The following ZNF423 variants were observed in gnomAD, a reference collection of about 807,000 sequenced individuals.
ZNF423 encodes the protein zinc finger protein 423.
A neutral mutation model predicts 95.8 loss-of-function variants in ZNF423; 12 were observed. The observed-to-expected ratio is 0.13, with a 90% confidence interval of 0.08 to 0.20. ZNF423 has a LOEUF of 0.20. ZNF423 is among the 10% of genes least tolerant of loss of function. The pLI is 1.00. For missense variants in ZNF423, 1,316 were observed against 1,737.1 expected (o/e 0.76, Z 4.31); for synonymous variants, 749 against 711.9 (o/e 1.05, Z -0.83).
intron 1 of ZNF423, among the ~76,000 whole-genome samples, chr16:49,794,156 C>T (rs962965035): frequency 6.6e-6 from 1 of 152,082 alleles, no homozygotes; most frequent in Non-Finnish European, 1.5e-5. Flanking sequence ...CTGCCTCAGC[C>T]TCCCGAGCAG....
At chr16:49,561,355 G>A (rs1157520133) in intron 5 of ZNF423, among the ~76,000 whole-genome samples, 1 of 152,086 alleles carries the variant, frequency 6.6e-6, no homozygotes, top group Non-Finnish European at 1.5e-5. Context: ...TTTACTGGGG[G>A]TATGTGTGTA....
At chr16:49,795,329 C>T (rs1441550003) in intron 1 of ZNF423, among the ~76,000 whole-genome samples, 1 of 152,194 alleles carries the variant, frequency 6.6e-6, no homozygotes, top group African/African-American at 2.4e-5. Context: ...ACACTAGAGT[C>T]ACACCAGCTC....
rs533165907 is a variant in ZNF423 at position 49,800,510 on chromosome 16, C to T, written c.41-10964G>A. Among the ~76,000 whole-genome samples the T allele has an allele frequency of 2.1e-3, 317 of 152,110 alleles. 6 individuals are homozygous for T. The highest frequency in any genetic ancestry group is 7.5e-4 in the Non-Finnish European group (51 of 68,002). Reference sequence around the variant, plus strand: ...GATGCAGCTTCAAAAGTCTCAACAGCGAGGGTTAAAATCTTGGGTTTCTCT... The same window carrying T: ...GATGCAGCTTCAAAAGTCTCAACAGTGAGGGTTAAAATCTTGGGTTTCTCT... On this transcript the variant is annotated intron_variant, in intron 1 of 7. Transcript: ENST00000563137.
At chr16:49,661,399 C>G (rs1352479945) in intron 3 of ZNF423, among the ~76,000 whole-genome samples, 1 of 152,090 alleles carries the variant, frequency 6.6e-6, no homozygotes, top group Non-Finnish European at 1.5e-5. Context: ...CAGGGGGGAC[C>G]CCCAAAACTC....
At chr16:49,753,432 T>A (rs565165392) in intron 2 of ZNF423, among the ~76,000 whole-genome samples, 49 of 123,564 alleles carry the variant, frequency 4.0e-4, no homozygotes, top group Non-Finnish European at 6.9e-4. Context: ...CAAGACCCTG[T>A]CTACAGAAAA....
intron 5 of ZNF423, among the ~76,000 whole-genome samples, chr16:49,610,909 C>G (rs1430273160): frequency 6.6e-6 from 1 of 151,756 alleles, no homozygotes; most frequent in Non-Finnish European, 1.5e-5. Context: ...AAAAAATTAG[C>G]AAGAAAGAAA....
chr16:49,668,637 C>G (rs1434218005), intron 3 of ZNF423, among the ~76,000 whole-genome samples: 1 of 152,188 alleles, frequency 6.6e-6, no homozygotes, highest in African/African-American at 2.4e-5. Flanking sequence ...GCAGGAGGGT[C>G]AGAGCCACCT....
At chr16:49,775,081 G>A (rs904237641) in intron 2 of ZNF423, among the ~76,000 whole-genome samples, 5 of 152,196 alleles carry the variant, frequency 3.3e-5, no homozygotes, top group Non-Finnish European at 7.3e-5. Flanking sequence ...GCTCCCTCCA[G>A]GCTGTACTGC....
chr16:49,824,944 T>A (rs2034989882), intron 1 of ZNF423, among the ~76,000 whole-genome samples: 1 of 152,184 alleles, frequency 6.6e-6, no homozygotes, highest in Admixed American at 6.5e-5. Flanking sequence ...CGAAATAAAG[T>A]TTAAATATTA....
intron 2 of ZNF423, among the ~76,000 whole-genome samples, chr16:49,747,684 C>T (rs2033554550): frequency 6.6e-6 from 1 of 150,930 alleles, no homozygotes; most frequent in Non-Finnish European, 1.5e-5. Context: ...CATTGCTGAG[C>T]CACTGAAAAT....
At chr16:49,578,343 G>C (rs1970561815) in intron 5 of ZNF423, among the ~76,000 whole-genome samples, 1 of 152,166 alleles carries the variant, frequency 6.6e-6, no homozygotes, top group Non-Finnish European at 1.5e-5. Context: ...CATTTGCTAA[G>C]GGTCTTCTTC....
intron 5 of ZNF423, among the ~76,000 whole-genome samples, chr16:49,547,582 T>C (rs975410519): frequency 2.6e-5 from 4 of 152,202 alleles, no homozygotes; most frequent in African/African-American, 4.8e-5. Flanking sequence ...TCCAACTCCC[T>C]GGGTCAGCTC....
At chr16:49,806,856 G>A (rs1477883561) in intron 1 of ZNF423, among the ~76,000 whole-genome samples, 2 of 151,416 alleles carry the variant, frequency 1.3e-5, no homozygotes, top group East Asian at 2.0e-4. Context: ...GTGAAACCCC[G>A]TCTCTACTAA....
chr16:49,512,047 T>A (rs1007010900), intron 7 of ZNF423, among the ~76,000 whole-genome samples: 1 of 152,242 alleles, frequency 6.6e-6, no homozygotes, highest in African/African-American at 2.4e-5. Context: ...TACTATATAC[T>A]ATACCATATT....
At chr16:49,781,812 G>A (rs2034217934) in intron 2 of ZNF423, among the ~76,000 whole-genome samples, 1 of 152,154 alleles carries the variant, frequency 6.6e-6, no homozygotes, top group African/African-American at 2.4e-5. Flanking sequence ...CCAGAACCAG[G>A]CTAAAAGAAA....
chr16:49,681,661 G>C (rs948793032), intron 3 of ZNF423, among the ~76,000 whole-genome samples: 6 of 152,238 alleles, frequency 3.9e-5, no homozygotes, highest in Non-Finnish European at 7.3e-5. Context: ...CAGCCCACAG[G>C]CGTGCCCACC....
In ZNF423 at chr16:49,490,282, A is replaced by G. The variant is rs1966908387; in HGVS notation, c.*993T>C. 6.6e-6 allele frequency: 1 copy of G among 152,294 alleles called. No individual in the cohort carries two copies. The highest frequency in any genetic ancestry group is 2.4e-5 in the African/African-American group (1 of 41,476). 9.4% of individuals were successfully genotyped at this position (152,294 alleles called of 1,614,324 possible). ...GGAAAGCCAAGAAGACTTCACAATC[A>G]GCATGGTGACCAACCTGCTGCGTGG... On this transcript the variant is annotated 3_prime_UTR_variant, in exon 8 of 8. Coordinates refer to ENST00000563137, the MANE Select transcript of ZNF423 (RefSeq NM_001379286.1).
At chr16:49,725,667 A>C (rs1406115104) in intron 3 of ZNF423, among the ~76,000 whole-genome samples, 1 of 152,164 alleles carries the variant, frequency 6.6e-6, no homozygotes, top group East Asian at 1.9e-4. Flanking sequence ...GCCAGCAGGG[A>C]GGGCTGCAGG....
intron 4 of ZNF423, among the ~76,000 whole-genome samples, chr16:49,631,424 C>T (rs1239797974): frequency 6.6e-6 from 1 of 152,084 alleles, no homozygotes; most frequent in Admixed American, 6.5e-5. Flanking sequence ...CTCAACCCCC[C>T]TGGAGACCCC....
Sources: gnomAD v4.1 joint callset for allele counts (sites outside exome capture counted in the v4.1 genomes callset) on GRCh38, gnomAD v4.1.1 for gene constraint, MANE v1.5 for transcripts, NCBI Gene and HGNC (gene_info 2026-07-23, HGNC 2026-07-21) for gene names.